Variants in KPNA6 observed in about 807,000 individuals in gnomAD.
KPNA6 encodes the protein importin subunit alpha-7.
A neutral mutation model predicts 72.0 loss-of-function variants in KPNA6; 9 were observed. The observed-to-expected ratio is 0.13, with a 90% CI of 0.08 to 0.22. KPNA6 has a LOEUF of 0.22. Ranked by LOEUF, KPNA6 falls within the 10% of genes least tolerant of loss-of-function variation. KPNA6 has a pLI of 1.00. For missense variants in KPNA6, 374 were observed against 655.7 expected, an observed-to-expected ratio of 0.57 and a Z score of 4.69; for synonymous variants, 219 against 242.1, an observed-to-expected ratio of 0.90 and a Z score of 0.89.
intron 1 of KPNA6, among the ~76,000 whole-genome samples, chr1:32,123,682 G>T (rs185569166): frequency 2.0e-5 from 3 of 149,396 alleles, no homozygotes; most frequent in Non-Finnish European, 4.4e-5. Flanking sequence ...TGAGGTTGCA[G>T]TGAGCCAAGA....
In KPNA6 at chr1:32,170,829, G is replaced by C; in HGVS notation, c.1546G>C (p.Asp516His). The change falls in exon 14 of 14, where the codon GAT becomes CAT. Residue 516 changes from aspartate (D) to histidine (H), a missense_variant. Around this residue, in one of 3 missense-constraint regions of KPNA6, gnomAD observed 42 missense variants for 49.8 expected, o/e 0.84. Transcript: ENST00000373625. ...DDDSSLAPQVDETQQQFIFQQ... is the reference protein window; with the variant it reads ...DDDSSLAPQVHETQQQFIFQQ... Reference sequence around the variant, plus strand: ...TGATAGCAGCCTGGCTCCCCAAGTCGATGAAACGCAACAGCAGTTCATCTT... The same window carrying C: ...TGATAGCAGCCTGGCTCCCCAAGTCCATGAAACGCAACAGCAGTTCATCTT... 6.2e-7 allele frequency: 1 copy of C among 1,614,210 alleles called. No individual in the cohort carries two copies. The highest frequency in any genetic ancestry group is 8.5e-7 in the Non-Finnish European group (1 of 1,180,044).
rs1641175391 is a variant in KPNA6, at chr1:32,108,104, C to T, written c.-27C>T. 3.1e-6 allele frequency: 5 copies of T among 1,614,018 alleles called. No homozygotes were observed. The highest frequency in any genetic ancestry group is 4.5e-5 in the East Asian group (2 of 44,878). On this transcript the variant is annotated 5_prime_UTR_variant, in exon 1 of 14. Transcript: ENST00000373625. ...CTGAAGCTGCCGCCGTTGCCTCCGC[C>T]GCCAAGAGTGAGCGAGCGGACCCGC... is the stretch of plus-strand genomic sequence containing the variant.
intron 1 of KPNA6, among the ~76,000 whole-genome samples, chr1:32,122,905 C>T (rs902732823): frequency 6.8e-6 from 1 of 147,762 alleles, no homozygotes; most frequent in Non-Finnish European, 1.5e-5. Flanking sequence ...TGCAGTGAGC[C>T]GAGATCGTGC....
At chr1:32,159,345 G>A in intron 5 of KPNA6, 55 bp from the exon 6 acceptor site, 2 of 1,585,306 alleles carry the variant, frequency 1.3e-6, no homozygotes, top group Non-Finnish European at 1.7e-6. Flanking sequence ...CAGCTGATAG[G>A]CATGGCTGCT....
rs1462507113 is a variant in KPNA6, at chr1:32,176,354, ACT to A, written c.*5463_*5464del. ...GCTTTTATTTTTCTAATAACAATAA[ACT>A]CTATTTTCCATGTTCTCAGGGCCCC... On this transcript the variant is annotated 3_prime_UTR_variant, in exon 14 of 14. Transcript: ENST00000373625. 1 of 151,884 alleles carries A rather than the reference ACT, an allele frequency of 6.6e-6. No individual in the cohort carries two copies. The highest frequency in any genetic ancestry group is 1.5e-5 in the Non-Finnish European group (1 of 67,986). The allele number at this position is 151,884 out of a possible 1,614,324, so 9.4% of individuals were successfully genotyped here.
rs561819065 is a variant in KPNA6, at chr1:32,136,973, G to A, written c.5-17615G>A. ...CTTTCCTTCTTGAATGAGTAGTAGA[G>A]GAGAAAACAAAAATAAAACAATTAA... On this transcript the variant is annotated intron_variant, in intron 1 of 13. Coordinates refer to ENST00000373625, the MANE Select transcript of KPNA6 (RefSeq NM_012316.5). Among the ~76,000 whole-genome samples the A allele has an allele frequency of 6.4e-4, 97 of 152,202 alleles. 1 individual carries two copies. Among genetic ancestry groups the A allele is most frequent in the Admixed American group, 1.8e-3 (27 of 15,260 alleles).
rs6425791 is a variant in KPNA6, at chr1:32,155,043, G to A, written c.138+322G>A. ...GGAGAATTGCTTGAACCTGGGAGGC[G>A]GAGGTTGCAGGAGCTGAGTTCGTGC... On this transcript the variant is annotated intron_variant, in intron 2 of 13. Transcript: ENST00000373625. 5.0e-3 allele frequency among the ~76,000 whole-genome samples: 755 copies of A among 150,144 alleles called. 2 individuals are homozygous for A. Among genetic ancestry groups the A allele is most frequent in the African/African-American group, 0.018 (715 of 40,826 alleles).
At position 32,167,146 on chromosome 1, in the gene KPNA6, GCCT is replaced by G. The variant is rs1401608096; in HGVS notation, c.1117-18_1117-16del. 2.5e-6 allele frequency: 4 copies of G among 1,610,004 alleles called. No individual in the cohort carries two copies. Among genetic ancestry groups the G allele is most frequent in the Admixed American group, 1.7e-5 (1 of 59,834 alleles). ...CTGAAATGACTTTCTCCTTCCATCT[GCCT>G]CCTCTCAATTCTCTCTCAGGCTGTT... On this transcript the variant is annotated intron_variant, in intron 11 of 13. Coordinates refer to ENST00000373625, the MANE Select transcript of KPNA6 (RefSeq NM_012316.5).
chr1:32,158,364 G>A lies in KPNA6; in HGVS notation c.426+3G>A, dbSNP rs768799065. On this transcript the variant is annotated splice_donor_region_variant and intron_variant, in intron 5 of 13. Transcript: ENST00000373625. The stretch of plus-strand genomic sequence containing the variant: ...GGAATGAGAATTGTACATTACAGGT[G>A]AGGCCTGAAGGGAAGGGGTTTGTTT... 1.8e-5 allele frequency: 29 copies of A among 1,589,860 alleles called. No individual in the cohort carries two copies. Among genetic ancestry groups the A allele is most frequent in the Admixed American group, 5.0e-5 (3 of 59,722 alleles).
At chr1:32,129,825 T>C (rs1156709674) in intron 1 of KPNA6, among the ~76,000 whole-genome samples, 1 of 152,146 alleles carries the variant, frequency 6.6e-6, no homozygotes, top group Non-Finnish European at 1.5e-5. Flanking sequence ...AATTGAGAGA[T>C]TGAATCAAAC....
At chr1:32,110,846 G>A (rs1321610689) in intron 1 of KPNA6, among the ~76,000 whole-genome samples, 2 of 152,160 alleles carry the variant, frequency 1.3e-5, no homozygotes, top group Non-Finnish European at 2.9e-5. Flanking sequence ...GCAGTGAGCC[G>A]AGATCATGCC....
rs571197317 is a variant in KPNA6, at chr1:32,133,255, G to A, written c.5-21333G>A. 2.0e-5 allele frequency among the ~76,000 whole-genome samples: 3 copies of A among 151,936 alleles called. No homozygotes were observed. In the South Asian group the frequency reaches 6.3e-4, roughly 32 times the overall value. On this transcript the variant is annotated intron_variant, in intron 1 of 13. Coordinates refer to ENST00000373625, the MANE Select transcript of KPNA6 (RefSeq NM_012316.5). ...GCTACTCAGGAGGCTGAGGTAAGAG[G>A]ATTGCTTGAGTCTGGGAGGTTGAGG...
intron 1 of KPNA6, among the ~76,000 whole-genome samples, chr1:32,119,027 TATA>T (rs1233591844): frequency 2.7e-3 from 219 of 79,960 alleles, no homozygotes; most frequent in African/African-American, 9.4e-3. Flanking sequence ...TATATATATA[TATA>T]TATTTTTTTT....
intron 1 of KPNA6, among the ~76,000 whole-genome samples, chr1:32,131,189 G>T (rs1480678017): frequency 6.6e-6 from 1 of 152,214 alleles, no homozygotes; most frequent in Non-Finnish European, 1.5e-5. Context: ...AGCTACTCGG[G>T]AGGCCGAGGC....
At chr1:32,161,841 G>A in intron 7 of KPNA6, 106 bp from the exon 8 acceptor site, 1 of 789,094 alleles carries the variant, frequency 1.3e-6, no homozygotes, top group South Asian at 1.6e-5. Flanking sequence ...GAAGAAACAG[G>A]CTGCTAGAGT....
chr1:32,110,885 C>G (rs1641234158), intron 1 of KPNA6, among the ~76,000 whole-genome samples: 1 of 152,148 alleles, frequency 6.6e-6, no homozygotes, highest in African/African-American at 2.4e-5. Flanking sequence ...GACTCCCTCT[C>G]AAAAACAAAC....
intron 1 of KPNA6, among the ~76,000 whole-genome samples, chr1:32,120,048 T>A (rs1001719950): frequency 1.3e-5 from 2 of 151,896 alleles, no homozygotes; most frequent in Non-Finnish European, 2.9e-5. Flanking sequence ...GATTTTTAAA[T>A]AATACTTACT....
At chr1:32,162,181 T>C (rs1642249696) in intron 8 of KPNA6, 135 bp downstream of exon 8, 12 of 911,332 alleles carry the variant, frequency 1.3e-5, no homozygotes, top group Non-Finnish European at 1.9e-5. Context: ...TAGATGATCT[T>C]GTGTACCTGG....
At chr1:32,125,362 A>G (rs1168860458) in intron 1 of KPNA6, among the ~76,000 whole-genome samples, 1 of 152,252 alleles carries the variant, frequency 6.6e-6, no homozygotes, top group Non-Finnish European at 1.5e-5. Flanking sequence ...TTTGCTTGAT[A>G]ATGACCAAAG....
Sources: gnomAD v4.1 joint callset for allele counts (sites outside exome capture counted in the v4.1 genomes callset) on GRCh38, gnomAD v4.1.1 for gene constraint, gnomAD v4.1.1 regional missense constraint, MANE v1.5 for transcripts, NCBI Gene and HGNC (gene_info 2026-07-23, HGNC 2026-07-21) for gene names.